Variants in VAV2 observed in about 807,000 individuals in gnomAD.
VAV2 encodes guanine nucleotide exchange factor VAV2.
Under a neutral mutation model 132.5 loss-of-function variants are expected in VAV2, and 67 were observed. The observed-to-expected ratio is 0.51, with a 90% CI of 0.42 to 0.62. The LOEUF (loss-of-function observed/expected upper bound fraction) is 0.62, where lower values mean the gene tolerates loss of function less well. Ranked by LOEUF, VAV2 falls within the 20% of genes least tolerant of loss-of-function variation. The probability of loss-of-function intolerance (pLI) is 0.00; values close to 1 mark genes in which losing one functional copy is unlikely to be tolerated. For missense variants in VAV2, 938 were observed against 1,153.6 expected, an observed-to-expected ratio of 0.81 and a Z score of 2.71; for synonymous variants, 492 against 443.5, an observed-to-expected ratio of 1.11 and a Z score of -1.37.
intron 27 of VAV2, among the ~76,000 whole-genome samples, 191 bp downstream of exon 27, chr9:133,770,187 C>T (rs1375323410): frequency 6.6e-6 from 1 of 152,228 alleles, no homozygotes; most frequent in Non-Finnish European, 1.5e-5. Flanking sequence ...GGTGCAGAGT[C>T]CCCGCCTGTC....
intron 15 of VAV2, 109 bp from the exon 16 acceptor site, chr9:133,787,369 A>G: frequency 7.7e-7 from 1 of 1,296,798 alleles, no homozygotes; most frequent in Non-Finnish European, 1.0e-6. Flanking sequence ...GGCAGGTGGA[A>G]CACCCCCCAG....
At chr9:133,980,571 C>T (rs991460167) in intron 1 of VAV2, among the ~76,000 whole-genome samples, 1 of 152,224 alleles carries the variant, frequency 6.6e-6, no homozygotes, top group African/African-American at 2.4e-5. Flanking sequence ...GCATGGCCAC[C>T]TCTCTGGAAC....
At chr9:133,903,455 G>C (rs1017936873) in intron 2 of VAV2, among the ~76,000 whole-genome samples, 13 of 152,152 alleles carry the variant, frequency 8.5e-5, no homozygotes, top group Non-Finnish European at 1.9e-4. Context: ...AGGCTCAAAA[G>C]ACAGGGGCTG....
chr9:133,796,197 T>A (rs1405683977), intron 11 of VAV2, among the ~76,000 whole-genome samples: 1 of 152,234 alleles, frequency 6.6e-6, no homozygotes. Context: ...TTCTGTCTCT[T>A]TCAGTTTTCT....
At chr9:133,861,223 G>A (rs554880590) in intron 3 of VAV2, 151 bp downstream of exon 3, 39 of 663,592 alleles carry the variant, frequency 5.9e-5, no homozygotes, top group African/African-American at 5.7e-4. Context: ...TCCTGCAGCC[G>A]CCAACGGGTT....
Position 133,788,230 on chromosome 9 carries a change from C to CCCCCCCCCCCCCCCCCAA in VAV2, c.1407+123_1407+124insTTGGGGGGGGGGGGGGGG. The stretch of plus-strand genomic sequence containing the variant: ...TCCTGCAGAGCGGAGACGCCCACCC[C>CCCCCCCCCCCCCCCCCAA]AACCCACCCGGCCAGCATCAGCGGC... On this transcript the variant is annotated intron_variant, in intron 15 of 29. Coordinates refer to ENST00000371850, the MANE Select transcript of VAV2 (RefSeq NM_001134398.2). This position sits in a 1 kb window ranked among gnomAD's most constrained non-coding sequence, Gnocchi z 5.3. The CCCCCCCCCCCCCCCCCAA allele has an allele frequency of 1.2e-6, 1 of 809,532 alleles. No individual in the cohort carries two copies. The highest frequency in any genetic ancestry group is 1.9e-6 in the Non-Finnish European group (1 of 519,352). 50.1% of individuals were successfully genotyped at this position (809,532 alleles called of 1,614,324 possible).
chr9:133,892,927 C>T (rs569570860), intron 2 of VAV2, among the ~76,000 whole-genome samples: 2 of 152,302 alleles, frequency 1.3e-5, no homozygotes, highest in Middle Eastern at 3.4e-3. Flanking sequence ...GAGCCCACCC[C>T]CAGAATTATC....
intron 3 of VAV2, among the ~76,000 whole-genome samples, chr9:133,845,409 A>C (rs771052195): frequency 6.6e-6 from 1 of 151,982 alleles, no homozygotes; most frequent in Non-Finnish European, 1.5e-5. Context: ...CTGGGGTGGG[A>C]GGGCCAGAAT....
chr9:133,881,186 C>G (rs541703279), intron 2 of VAV2, among the ~76,000 whole-genome samples: 1 of 152,232 alleles, frequency 6.6e-6, no homozygotes, highest in African/African-American at 2.4e-5. Flanking sequence ...CCATACGACC[C>G]GGAGAACTTG....
intron 4 of VAV2, among the ~76,000 whole-genome samples, chr9:133,821,696 G>A (rs760606493): frequency 3.3e-5 from 5 of 152,218 alleles, no homozygotes; most frequent in South Asian, 2.1e-4. Flanking sequence ...TTGGTGCTGC[G>A]TTAGTTCCTG....
chr9:133,878,323 A>G (rs1463758571), intron 2 of VAV2, among the ~76,000 whole-genome samples: 1 of 152,100 alleles, frequency 6.6e-6, no homozygotes, highest in Non-Finnish European at 1.5e-5. Flanking sequence ...GCCAACTGCG[A>G]CCCAAGCACG....
In VAV2 at chr9:133,968,849, C is replaced by T. The variant is rs959236270; in HGVS notation, c.204+23226G>A. Among the ~76,000 whole-genome samples, 4 of 152,280 alleles carry T rather than the reference C, an allele frequency of 2.6e-5. No individual in the cohort carries two copies. In the South Asian group the frequency reaches 6.2e-4, roughly 24 times the overall value. ...CCCCCGGCTGGCTGGCTCAGCGGCTCGCGACAGCACAGCCACCCTCGGTTG... is the reference window on the plus strand; with the variant it reads ...CCCCCGGCTGGCTGGCTCAGCGGCTTGCGACAGCACAGCCACCCTCGGTTG... On this transcript the variant is annotated intron_variant, in intron 1 of 29. Transcript: ENST00000371850.
intron 2 of VAV2, among the ~76,000 whole-genome samples, chr9:133,921,942 C>G (rs932322568): frequency 4.6e-5 from 7 of 152,252 alleles, no homozygotes; most frequent in Admixed American, 2.0e-4. Flanking sequence ...CGTTGATGGG[C>G]AGTAGTCAGC....
At chr9:133,957,037 C>A (rs1480161810) in intron 1 of VAV2, among the ~76,000 whole-genome samples, 1 of 152,182 alleles carries the variant, frequency 6.6e-6, no homozygotes. Context: ...CCCACCTGCC[C>A]GGGGTACCCA....
At position 133,989,063 on chromosome 9, in the gene VAV2, G is replaced by T. The variant is rs537734769; in HGVS notation, c.204+3012C>A. ...CGTCTCTACTAAAAATATAGGCTGG[G>T]TGCAGTGGCTCACGCCTGCAATCCC... On this transcript the variant is annotated intron_variant, in intron 1 of 29. Coordinates refer to ENST00000371850, the MANE Select transcript of VAV2 (RefSeq NM_001134398.2). Among the ~76,000 whole-genome samples, 4 of 152,240 alleles carry T rather than the reference G, an allele frequency of 2.6e-5. No homozygotes were observed. In the East Asian group the frequency reaches 5.8e-4, roughly 22 times the overall value.
At chr9:133,848,662 G>A (rs1330952069) in intron 3 of VAV2, among the ~76,000 whole-genome samples, 2 of 152,252 alleles carry the variant, frequency 1.3e-5, no homozygotes, top group Non-Finnish European at 2.9e-5. Context: ...TGGCAGGCAC[G>A]GGCCCCTGGG....
chr9:133,953,983 G>A (rs1162942514), intron 1 of VAV2, among the ~76,000 whole-genome samples: 1 of 152,044 alleles, frequency 6.6e-6, no homozygotes, highest in Non-Finnish European at 1.5e-5. Flanking sequence ...GCACAGGCAG[G>A]TGGCTCCACA....
chr9:133,977,556 C>T (rs77503893), intron 1 of VAV2, among the ~76,000 whole-genome samples: 8,904 of 152,272 alleles, frequency 0.058, 722 homozygotes, highest in African/African-American at 0.18. Context: ...TCACCCTCCA[C>T]GCATGACAGC....
At chr9:133,985,226 TTGTGTGTGTGTGTGTGTGTGTGTGTGTG>T (rs59748267) in intron 1 of VAV2, among the ~76,000 whole-genome samples, 6 of 137,152 alleles carry the variant, frequency 4.4e-5, no homozygotes, top group Non-Finnish European at 9.4e-5. Flanking sequence ...TCTTGCCTTA[TTGTGTGTGTGTGTGTGTGTGTGTGTGTG>T]TGTGTGTGTG....
Sources: allele counts gnomAD v4.1 joint callset (sites outside exome capture counted in the v4.1 genomes callset), GRCh38; gene constraint gnomAD v4.1.1; non-coding constraint Gnocchi (gnomAD v3.1); transcripts MANE v1.5; gene names NCBI Gene and HGNC (gene_info 2026-07-23, HGNC 2026-07-21).